Variants in LARP4B observed in about 807,000 individuals in gnomAD.
The protein encoded by LARP4B is la-related protein 4B.
LARP4B carries 12 observed loss-of-function variants against 89.8 expected under a neutral mutation model. The observed-to-expected ratio is 0.13, with a 90% CI of 0.09 to 0.22. The LOEUF is 0.22. Ranked by LOEUF, LARP4B falls within the 10% of genes least tolerant of loss-of-function variation. The pLI, the probability that LARP4B is intolerant of heterozygous loss-of-function variation, is 1.00. For synonymous variants in LARP4B, 367 were observed against 363.3 expected (o/e 1.01, Z -0.12); for missense variants, 757 against 947.7 (o/e 0.80, Z 2.64).
At chr10:846,394 C>T (rs1226272983) in intron 5 of LARP4B, among the ~76,000 whole-genome samples, 3 of 152,138 alleles carry the variant, frequency 2.0e-5, no homozygotes, top group Non-Finnish European at 4.4e-5. Flanking sequence ...AGGCCTGGTG[C>T]CATCCAGACA....
At chr10:832,844 A>G (rs1027417585) in intron 8 of LARP4B, among the ~76,000 whole-genome samples, 2 of 152,274 alleles carry the variant, frequency 1.3e-5, no homozygotes, top group African/African-American at 4.8e-5. Flanking sequence ...AGGAAAGTCC[A>G]GATTGACATA....
the LARP4B span, chr10:972,190 G>C: frequency 1.6e-5 from 5 of 304,200 alleles, no homozygotes; most frequent in South Asian, 1.5e-4. Flanking sequence ...AACACGCCTG[G>C]GTAATTTTTG....
intron 1 of LARP4B, among the ~76,000 whole-genome samples, chr10:929,143 G>C (rs36097310): frequency 9.2e-5 from 14 of 152,088 alleles, no homozygotes; most frequent in Non-Finnish European, 1.5e-4. Flanking sequence ...TACTCAAAAA[G>C]AGTGGAACTG....
At chr10:903,046 T>C (rs1456271086) in intron 1 of LARP4B, among the ~76,000 whole-genome samples, 1 of 152,232 alleles carries the variant, frequency 6.6e-6, no homozygotes, top group Non-Finnish European at 1.5e-5. Flanking sequence ...TTTCTGTCCA[T>C]CAGCATTTTA....
Position 873,468 on chromosome 10 carries a change from G to C in LARP4B, c.142-9198C>G, listed in dbSNP as rs1275275496. 3 of 963,418 alleles carry C rather than the reference G, an allele frequency of 3.1e-6. No individual in the cohort carries two copies. In the African/African-American group the frequency reaches 5.3e-5, roughly 17 times the overall value. The allele number at this position is 963,418 out of a possible 1,614,324, so 59.7% of individuals were successfully genotyped here. Reference sequence around the variant, plus strand: ...ATAACTTAAAATATTATCCCAGCCAGAAAGATTTCAGGCTTCTGGTTTTTC... The same window carrying C: ...ATAACTTAAAATATTATCCCAGCCACAAAGATTTCAGGCTTCTGGTTTTTC... On this transcript the variant is annotated intron_variant, in intron 3 of 17. Coordinates refer to ENST00000316157, the MANE Select transcript of LARP4B (RefSeq NM_015155.3).
chr10:952,033 T>C, the LARP4B span, among the ~76,000 whole-genome samples: 1 of 151,012 alleles, frequency 6.6e-6, no homozygotes. Flanking sequence ...CTGCATAACA[T>C]ACAAACTTTA....
At chr10:925,560 G>C (rs537174939) in intron 1 of LARP4B, among the ~76,000 whole-genome samples, 3 of 151,952 alleles carry the variant, frequency 2.0e-5, no homozygotes, top group Non-Finnish European at 4.4e-5. Context: ...TTCAGACAGA[G>C]CCTCACTCTG....
chr10:936,404 A>C (rs562409567), upstream of LARP4B, among the ~76,000 whole-genome samples: 2 of 152,108 alleles, frequency 1.3e-5, no homozygotes, highest in Non-Finnish European at 2.9e-5. Context: ...AGGTGGGAAG[A>C]AGGAGGCAGT....
Position 820,901 on chromosome 10 carries a change from A to G in LARP4B, c.1485-56T>C, listed in dbSNP as rs112425102. 21 of 1,507,228 alleles carry G rather than the reference A, an allele frequency of 1.4e-5. No homozygotes were observed. The African/African-American group carries it at 2.2e-4, about 16-fold the overall frequency. 93.4% of individuals were successfully genotyped at this position (1,507,228 alleles called of 1,614,324 possible). A position where few individuals can be genotyped will look rare whatever the true frequency, so the allele number is the denominator to read the frequency against. On this transcript the variant is annotated intron_variant, in intron 13 of 17. Transcript: ENST00000316157. ...TTTTTTCCCACTTGGAGAATTTATT[A>G]TTGAGCACGTTTGCACTCACATAAT...
intron 1 of LARP4B, among the ~76,000 whole-genome samples, chr10:908,097 T>C (rs1836544242): frequency 6.6e-6 from 1 of 152,094 alleles, no homozygotes; most frequent in Non-Finnish European, 1.5e-5. Flanking sequence ...TCCCAGCTAC[T>C]TGGGAGGCTG....
At chr10:854,316 A>T (rs938222509) in intron 5 of LARP4B, among the ~76,000 whole-genome samples, 1 of 152,200 alleles carries the variant, frequency 6.6e-6, no homozygotes, top group Admixed American at 6.5e-5. Flanking sequence ...CGAATCACAA[A>T]TGTTCTTAAC....
chr10:820,120 C>T (rs1053474554), intron 14 of LARP4B: 2 of 152,118 alleles, frequency 1.3e-5, no homozygotes, highest in African/African-American at 4.9e-5. Flanking sequence ...TGCCATCCCT[C>T]CCATCTTTGT....
At chr10:934,097 G>A (rs558913395), upstream of LARP4B, among the ~76,000 whole-genome samples, 17 of 152,100 alleles carry the variant, frequency 1.1e-4, no homozygotes, top group Admixed American at 1.0e-3. Context: ...CTCCCTAAGT[G>A]CTGGGATTAC....
chr10:854,226 T>G, intron 5 of LARP4B, among the ~76,000 whole-genome samples: 1 of 152,204 alleles, frequency 6.6e-6, no homozygotes, highest in East Asian at 1.9e-4. Context: ...CTTTCTCCAC[T>G]GGTCATGAAC....
chr10:884,542 T>C (rs1331730878), intron 2 of LARP4B, 36 bp from the exon 3 acceptor site: 4 of 1,387,700 alleles, frequency 2.9e-6, no homozygotes, highest in Non-Finnish European at 4.1e-6. Context: ...ATCAGTACAA[T>C]GTTTAAAAAG....
intron 8 of LARP4B, among the ~76,000 whole-genome samples, chr10:833,226 C>T (rs961186254): frequency 1.0e-5 from 1 of 98,474 alleles, no homozygotes; most frequent in African/African-American, 3.8e-5. Context: ...AATACACTAA[C>T]ACTAACGATA....
intron 1 of LARP4B, among the ~76,000 whole-genome samples, chr10:890,074 C>A (rs1835971797): frequency 6.6e-6 from 1 of 152,168 alleles, no homozygotes; most frequent in South Asian, 2.1e-4. Context: ...TGTTATTTAA[C>A]CCAGGTATCT....
chr10:954,875 G>C, the LARP4B span, among the ~76,000 whole-genome samples: 6 of 1,570 alleles, frequency 3.8e-3, no homozygotes, highest in Non-Finnish European at 4.9e-3. The surrounding 1 kb of genome is among the most constrained non-coding windows in gnomAD (Gnocchi z 5.0). Flanking sequence ...TCCCATCCAC[G>C]CTTCCCCAGG....
At chr10:927,731 T>C (rs1292305542) in intron 1 of LARP4B, among the ~76,000 whole-genome samples, 1 of 152,226 alleles carries the variant, frequency 6.6e-6, no homozygotes, top group African/African-American at 2.4e-5. Context: ...CAAGGTATTT[T>C]CCAAAAACAT....
Sources: allele counts gnomAD v4.1 joint callset (sites outside exome capture counted in the v4.1 genomes callset), GRCh38; gene constraint gnomAD v4.1.1; non-coding constraint Gnocchi (gnomAD v3.1); transcripts MANE v1.5; gene names NCBI Gene and HGNC (gene_info 2026-07-23, HGNC 2026-07-21).